The following GON4L variants were observed in gnomAD, a reference collection of about 807,000 sequenced individuals.
The protein encoded by GON4L is gon-4 like, also known as GON-4-like protein.
A neutral mutation model predicts 211.8 loss-of-function variants in GON4L; 87 were observed. The observed-to-expected ratio is 0.41, with a 90% CI of 0.35 to 0.49. The LOEUF (loss-of-function observed/expected upper bound fraction) is 0.49, where lower values mean the gene tolerates loss of function less well. Ranked by LOEUF, GON4L falls within the 20% of genes least tolerant of loss-of-function variation. GON4L has a pLI of 0.15. For synonymous variants in GON4L, 875 were observed against 962.6 expected (o/e 0.91, Z 1.68); for missense variants, 2,155 against 2,659.5 (o/e 0.81, Z 4.17).
chr1:155,764,426 A>ATT lies in GON4L; in HGVS notation c.4473+572_4473+573dup, dbSNP rs371568461. 2.1e-3 allele frequency: 298 copies of ATT among 139,922 alleles called. 7 individuals carry two copies. The highest frequency in any genetic ancestry group is 3.4e-3 in the African/African-American group (107 of 31,574). The allele number at this position is 139,922 out of a possible 1,614,324, so 8.7% of individuals were successfully genotyped here. On this transcript the variant is annotated intron_variant, in intron 21 of 31. Transcript: ENST00000368331. ...GAGCCACCGTGCCCAGTTATTTACT[A>ATT]TTTTTTTTTTTTTTTTTTTTTTTTT...
chr1:155,826,653 G>A (rs1669244008), intron 3 of GON4L, among the ~76,000 whole-genome samples, 184 bp downstream of exon 3: 1 of 152,058 alleles, frequency 6.6e-6, no homozygotes, highest in African/African-American at 2.4e-5. Flanking sequence ...AATTGAAAGG[G>A]AAGACAAGAT....
At chr1:155,794,332 A>G (rs1665883680) in intron 12 of GON4L, among the ~76,000 whole-genome samples, 1 of 152,266 alleles carries the variant, frequency 6.6e-6, no homozygotes, top group Non-Finnish European at 1.5e-5. Flanking sequence ...TCCACCTCCC[A>G]AAGTGCTGGG....
intron 19 of GON4L, among the ~76,000 whole-genome samples, chr1:155,769,036 G>A (rs1662877307): frequency 1.3e-5 from 2 of 152,140 alleles, no homozygotes; most frequent in Non-Finnish European, 2.9e-5. Context: ...GAGTGCAGGG[G>A]AGTGATCCAC....
Position 155,752,201 on chromosome 1 carries a change from G to A in GON4L, c.6232C>T (p.Leu2078=). ...TTCACCCGAGCTCTGCTTGAGGGCA[G>A]CCATCTCTCTTGAGTGTCTGGTTTC... ...SGKPDTQERW[L]PSSRARVKTR... Residue 2078 remains leucine (L), a synonymous_variant, in exon 30 of 32, where the codon CTG becomes TTG. Coordinates refer to ENST00000368331, the MANE Select transcript of GON4L (RefSeq NM_001282860.2). The A allele has an allele frequency of 1.2e-6, 2 of 1,613,570 alleles. No homozygotes were observed. Among genetic ancestry groups the A allele is most frequent in the Non-Finnish European group, 1.7e-6 (2 of 1,179,666 alleles).
intron 2 of GON4L, among the ~76,000 whole-genome samples, chr1:155,832,265 G>A (rs1377529281): frequency 6.0e-5 from 3 of 49,754 alleles, no homozygotes; most frequent in Non-Finnish European, 1.1e-4. Context: ...GGGCAACAAA[G>A]CAAGACTCCG....
At chr1:155,745,490 A>C (rs1281992133), downstream of GON4L, among the ~76,000 whole-genome samples, 1 of 152,232 alleles carries the variant, frequency 6.6e-6, no homozygotes, top group Non-Finnish European at 1.5e-5. Flanking sequence ...AGAAGAGATA[A>C]GACCTCAAGG....
At chr1:155,745,867 G>C (rs1660239392), downstream of GON4L, 2 of 932,710 alleles carry the variant, frequency 2.1e-6, no homozygotes, top group Non-Finnish European at 3.2e-6. Context: ...CACTGCAGTT[G>C]GGACATTTTG....
intron 5 of GON4L, 130 bp from the exon 6 acceptor site, chr1:155,820,786 G>C: frequency 1.4e-6 from 1 of 712,024 alleles, no homozygotes; most frequent in South Asian, 1.5e-5. Flanking sequence ...TTTGAGACCA[G>C]CCTGAGCAAC....
chr1:155,817,130 C>T (rs1020813126), intron 6 of GON4L, among the ~76,000 whole-genome samples: 5 of 152,028 alleles, frequency 3.3e-5, no homozygotes, highest in Admixed American at 3.3e-4. Context: ...GCTAGGACTA[C>T]AGGCATGCCT....
In GON4L at chr1:155,750,330, A is replaced by G. The variant is rs1049652529; in HGVS notation, c.*254T>C. ...CCATCAGACCAAAAAAAAGTAGAGA[A>G]AGGAGCTGAACTCCACTCTCGATGC... On this transcript the variant is annotated 3_prime_UTR_variant, in exon 32 of 32. Coordinates refer to ENST00000368331, the MANE Select transcript of GON4L (RefSeq NM_001282860.2). 5.5e-5 allele frequency: 34 copies of G among 617,690 alleles called. No individual in the cohort carries two copies. The highest frequency in any genetic ancestry group is 1.3e-4 in the African/African-American group (7 of 53,886). The allele number at this position is 617,690 out of a possible 1,614,324, so 38.3% of individuals were successfully genotyped here. A position where few individuals can be genotyped will look rare whatever the true frequency, so the allele number is the denominator to read the frequency against.
chr1:155,834,150 T>C (rs1670077813), intron 2 of GON4L, among the ~76,000 whole-genome samples: 1 of 152,136 alleles, frequency 6.6e-6, no homozygotes, highest in African/African-American at 2.4e-5. Context: ...AACTGCTTCA[T>C]ATAATGTCCT....
chr1:155,760,600 G>A lies in GON4L; in HGVS notation c.4953C>T (p.Asp1651=). Residue 1651 remains aspartate (D), a synonymous_variant, in exon 24 of 32, where the codon GAC becomes GAT. Coordinates refer to ENST00000368331, the MANE Select transcript of GON4L (RefSeq NM_001282860.2). ...CAAATTCATAGATGACTTGAAGGAA[G>A]TCTTCATACTTGCCAGGGATATGTT... The part of the protein sequence containing the change: ...ALQHIPGKYE[D]FLQVIYEFES... 1 of 1,613,560 alleles carries A rather than the reference G, an allele frequency of 6.2e-7. No homozygotes were observed. Among genetic ancestry groups the A allele is most frequent in the Non-Finnish European group, 8.5e-7 (1 of 1,179,524 alleles).
rs1172423417 is a variant in GON4L at position 155,763,685 on chromosome 1, G to A, written c.4474-121C>T. 13 of 856,514 alleles carry A rather than the reference G, an allele frequency of 1.5e-5. No individual in the cohort carries two copies. In the Admixed American group the frequency reaches 1.7e-4, roughly 11 times the overall value. The allele number at this position is 856,514 out of a possible 1,614,324, so 53.1% of individuals were successfully genotyped here. A position where few individuals can be genotyped will look rare whatever the true frequency, so the allele number is the denominator to read the frequency against. On this transcript the variant is annotated intron_variant, in intron 21 of 31. Transcript: ENST00000368331. ...ATGGGGAGCCCACTACAGCTGTCCT[G>A]AGGGGAATTCCTTGAGTTATGAAAT...
chr1:155,765,278 C>T lies in GON4L; in HGVS notation c.4195G>A (p.Glu1399Lys). 2 of 1,614,196 alleles carry T rather than the reference C, an allele frequency of 1.2e-6. No homozygotes were observed. The highest frequency in any genetic ancestry group is 2.7e-5 in the African/African-American group (2 of 75,066). ...TTCACATCTGTCCCTGAGGTTCCTT[C>T]ATCAGGGGGCTCTTGAGAAGATGAA... ...TPSSSQEPPDEGTSGTDVNKG... is the reference protein window; with the variant it reads ...TPSSSQEPPDKGTSGTDVNKG... The change falls in exon 21 of 32, where the codon GAA (glutamate) becomes AAA (lysine). Residue 1399 changes from glutamate (E) to lysine (K), a missense_variant. By Grantham distance (56) the Glu-to-Lys change is moderately conservative. This residue lies in a region of GON4L where 615 missense variants were observed against 625.7 expected (regional missense o/e 0.98). Coordinates refer to ENST00000368331, the MANE Select transcript of GON4L (RefSeq NM_001282860.2).
intron 22 of GON4L, 49 bp from the exon 23 acceptor site, chr1:155,762,423 T>C (rs776216796): frequency 2.0e-6 from 3 of 1,470,342 alleles, no homozygotes; most frequent in African/African-American, 1.4e-5. Flanking sequence ...GCAACCTGTG[T>C]TCTTCCCATT....
rs376925140 is a variant in GON4L, at chr1:155,765,478, G to A, written c.3995C>T (p.Ala1332Val). ...EEIVKMEPEE[A>V]REEISGSPER... ...AGGGGATCCACTGATTTCCTCTCTA[G>A]CTTCTTCAGGTTCCATCTTGACAAT... is the stretch of plus-strand genomic sequence containing the variant. Residue 1332 changes from alanine to valine, a missense_variant, in exon 21 of 32, where the codon GCT becomes GTT. Transcript: ENST00000368331. 1.2e-6 allele frequency: 2 copies of A among 1,614,008 alleles called. No homozygotes were observed. Among genetic ancestry groups the A allele is most frequent in the African/African-American group, 2.7e-5 (2 of 74,902 alleles).
In GON4L at chr1:155,758,750, A is replaced by G. The variant is rs575644224; in HGVS notation, c.5110-716T>C. ...ATAAATTAGATAGGTGCGGTCATGC[A>G]TGCCTGTAATCCCTGCTACCCGGAA... On this transcript the variant is annotated intron_variant, in intron 24 of 31. Transcript: ENST00000368331. Among the ~76,000 whole-genome samples the G allele has an allele frequency of 3.9e-5, 6 of 152,318 alleles. No homozygotes were observed. In the East Asian group the frequency reaches 1.2e-3, roughly 29 times the overall value.
chr1:155,802,316 G>GGT (rs1553208371), intron 11 of GON4L, among the ~76,000 whole-genome samples: 2 of 146,938 alleles, frequency 1.4e-5, no homozygotes, highest in Non-Finnish European at 3.0e-5. Flanking sequence ...TTTCCTTGGG[G>GGT]GGGGGGAAGG....
chr1:155,748,384 T>C, downstream of GON4L: 1 of 1,602,940 alleles, frequency 6.2e-7, no homozygotes, highest in Non-Finnish European at 8.5e-7. Flanking sequence ...GTGCCCCTCT[T>C]GGTGTCTTCT....
Sources: allele counts gnomAD v4.1 joint callset (sites outside exome capture counted in the v4.1 genomes callset), GRCh38; gene constraint gnomAD v4.1.1; regional missense constraint gnomAD v4.1.1; transcripts MANE v1.5; gene names NCBI Gene and HGNC (gene_info 2026-07-23, HGNC 2026-07-21).